Variants in EPHA5 observed in about 807,000 individuals in gnomAD.
The protein encoded by EPHA5 is EPH receptor A5.
EPHA5 carries 60 observed loss-of-function variants against 105.0 expected under a neutral mutation model. The ratio of observed to expected loss-of-function variants is 0.57; its 90% CI spans 0.46 to 0.71. The LOEUF (loss-of-function observed/expected upper bound fraction) is 0.71. EPHA5 is among the 30% of genes least tolerant of loss of function. The pLI is 0.00. For synonymous variants in EPHA5, 513 were observed against 449.1 expected (o/e 1.14, Z -1.80); for missense variants, 1,218 against 1,274.7 (o/e 0.96, Z 0.68).
chr4:65,596,237 T>C (rs1743170872), intron 3 of EPHA5, among the ~76,000 whole-genome samples: 1 of 152,180 alleles, frequency 6.6e-6, no homozygotes, highest in South Asian at 2.1e-4. Flanking sequence ...TTTGGATTAG[T>C]GGTTCTCAAC....
intron 16 of EPHA5, 74 bp from the exon 17 acceptor site, chr4:65,324,293 G>T (rs1719873503): frequency 9.9e-7 from 1 of 1,011,686 alleles, no homozygotes; most frequent in Non-Finnish European, 1.5e-6. Flanking sequence ...GTTGGCAAAG[G>T]GGCAAACATA....
At chr4:65,413,128 G>T (rs781551333) in intron 7 of EPHA5, among the ~76,000 whole-genome samples, 1 of 151,822 alleles carries the variant, frequency 6.6e-6, no homozygotes, top group Non-Finnish European at 1.5e-5. Context: ...CTAATATTAC[G>T]AGAATTTTCA....
At chr4:65,434,599 T>C (rs1200394420) in intron 5 of EPHA5, among the ~76,000 whole-genome samples, 1 of 152,194 alleles carries the variant, frequency 6.6e-6, no homozygotes, top group Non-Finnish European at 1.5e-5. Flanking sequence ...GATCTAATCT[T>C]ATTTGAAATA....
chr4:65,577,226 A>G (rs1741148096), intron 3 of EPHA5, among the ~76,000 whole-genome samples: 1 of 152,152 alleles, frequency 6.6e-6, no homozygotes, highest in Non-Finnish European at 1.5e-5. Context: ...TGCACTTTAT[A>G]TTAACTGAAT....
At chr4:65,491,596 A>G (rs1375749822) in intron 4 of EPHA5, among the ~76,000 whole-genome samples, 1 of 152,094 alleles carries the variant, frequency 6.6e-6, no homozygotes, top group Non-Finnish European at 1.5e-5. Context: ...TCCTAACTTC[A>G]TGAAGTATTT....
At chr4:65,532,646 T>A (rs966510123) in intron 3 of EPHA5, among the ~76,000 whole-genome samples, 2 of 148,904 alleles carry the variant, frequency 1.3e-5, no homozygotes. Flanking sequence ...TTTCGTTGAA[T>A]CTCTCACCAG....
chr4:65,602,779 A>C (rs1743865929), intron 2 of EPHA5, among the ~76,000 whole-genome samples: 1 of 152,190 alleles, frequency 6.6e-6, no homozygotes, highest in African/African-American at 2.4e-5. Context: ...AGGGAGAAAA[A>C]TGTAATATAA....
chr4:65,426,921 A>G (rs1724494639), intron 5 of EPHA5, among the ~76,000 whole-genome samples: 1 of 152,136 alleles, frequency 6.6e-6, no homozygotes, highest in Non-Finnish European at 1.5e-5. Flanking sequence ...TGACTTACAT[A>G]TGAATAGGAC....
At chr4:65,500,339 A>G (rs1268730576) in intron 3 of EPHA5, among the ~76,000 whole-genome samples, 1 of 151,294 alleles carries the variant, frequency 6.6e-6, no homozygotes, top group African/African-American at 2.4e-5. Context: ...TCCTGGGGGA[A>G]AGAAAATTAT....
chr4:65,478,374 T>A (rs968145020), intron 5 of EPHA5, among the ~76,000 whole-genome samples: 2 of 152,214 alleles, frequency 1.3e-5, no homozygotes, highest in Non-Finnish European at 2.9e-5. Context: ...GTTAACAAAA[T>A]TTGTACATTT....
At chr4:65,564,159 TAACTC>T (rs368015786) in intron 3 of EPHA5, among the ~76,000 whole-genome samples, 12 of 152,004 alleles carry the variant, frequency 7.9e-5, no homozygotes, top group African/African-American at 2.9e-4. Context: ...GTATCACAAA[TAACTC>T]AAGATAATCA....
intron 5 of EPHA5, among the ~76,000 whole-genome samples, chr4:65,461,817 A>G (rs1202819974): frequency 6.6e-6 from 1 of 152,128 alleles, no homozygotes; most frequent in Non-Finnish European, 1.5e-5. Flanking sequence ...TGAAATATAG[A>G]CATGAAAATA....
At chr4:65,562,060 G>A (rs1310088170) in intron 3 of EPHA5, among the ~76,000 whole-genome samples, 1 of 151,986 alleles carries the variant, frequency 6.6e-6, no homozygotes, top group Non-Finnish European at 1.5e-5. Flanking sequence ...ATATCACAGA[G>A]CTCTTGATTC....
intron 5 of EPHA5, among the ~76,000 whole-genome samples, chr4:65,442,507 G>A (rs550310944): frequency 7.9e-5 from 12 of 152,210 alleles, no homozygotes; most frequent in African/African-American, 2.9e-4. Flanking sequence ...AACACAGTCT[G>A]CCTACAAAGA....
At chr4:65,577,497 T>A (rs1462192032) in intron 3 of EPHA5, among the ~76,000 whole-genome samples, 1 of 152,176 alleles carries the variant, frequency 6.6e-6, no homozygotes, top group Non-Finnish European at 1.5e-5. Flanking sequence ...TTGAGGCTTA[T>A]AAGTGACTGA....
rs539568611 is a variant in EPHA5, at chr4:65,626,109, A to G, written c.246+17254T>C. On this transcript the variant is annotated intron_variant, in intron 2 of 16. Transcript: ENST00000613740. ...GAGCGACACTCCGTCTCAAAAAAAA[A>G]AAAAAAAATGCACTTTTAAAAAATG... 2.6e-5 allele frequency among the ~76,000 whole-genome samples: 4 copies of G among 152,068 alleles called. No homozygotes were observed. In the South Asian group the frequency reaches 8.3e-4, roughly 31 times the overall value.
At chr4:65,551,588 C>T (rs1196463461) in intron 3 of EPHA5, among the ~76,000 whole-genome samples, 2 of 152,096 alleles carry the variant, frequency 1.3e-5, no homozygotes, top group Non-Finnish European at 2.9e-5. Context: ...GTGTGCATAT[C>T]ATATACAGCA....
chr4:65,364,443 A>G (rs1717651459), intron 11 of EPHA5, among the ~76,000 whole-genome samples: 1 of 151,712 alleles, frequency 6.6e-6, no homozygotes, highest in Non-Finnish European at 1.5e-5. Context: ...CACAAATTAA[A>G]AGAGATGTAA....
intron 8 of EPHA5, among the ~76,000 whole-genome samples, chr4:65,397,975 G>A (rs957105215): frequency 1.3e-5 from 2 of 152,150 alleles, no homozygotes; most frequent in Admixed American, 1.3e-4. Flanking sequence ...GGCATGGCCT[G>A]GGCTGTGTGC....
Sources: gnomAD v4.1 joint callset for allele counts (sites outside exome capture counted in the v4.1 genomes callset) on GRCh38, gnomAD v4.1.1 for gene constraint, MANE v1.5 for transcripts, NCBI Gene and HGNC (gene_info 2026-07-23, HGNC 2026-07-21) for gene names.